CENPC: variants seen among roughly 807,000 people sequenced by gnomAD.
CENPC encodes the protein CENP-C 1.
Under a neutral mutation model 112.1 loss-of-function variants are expected in CENPC, and 63 were observed. That is an observed-to-expected ratio of 0.56 (90% confidence interval 0.46 to 0.69). The LOEUF (loss-of-function observed/expected upper bound fraction) is 0.69. CENPC is among the 30% of genes least tolerant of loss of function. CENPC has a pLI of 0.00. For missense variants in CENPC, 1,000 were observed against 1,103.8 expected (o/e 0.91, Z 1.33); for synonymous variants, 333 against 367.6 (o/e 0.91, Z 1.08).
At chr4:67,473,682 G>A (rs1214483394) in intron 18 of CENPC, among the ~76,000 whole-genome samples, 4 of 152,000 alleles carry the variant, frequency 2.6e-5, no homozygotes, top group African/African-American at 7.2e-5. Context: ...CCTCCCGAGA[G>A]CTAGGACTAT....
intron 17 of CENPC, among the ~76,000 whole-genome samples, chr4:67,482,166 A>T (rs944339663): frequency 2.6e-5 from 4 of 152,308 alleles, no homozygotes; most frequent in African/African-American, 9.6e-5. Flanking sequence ...CACAAAAAAA[A>T]TGCTCAACAA....
At position 67,539,888 on chromosome 4, in the gene CENPC, A is replaced by G. The variant is rs1465255688; in HGVS notation, c.183T>C (p.Asn61=). The G allele has an allele frequency of 1.3e-6, 2 of 1,533,778 alleles. No individual in the cohort carries two copies. Among genetic ancestry groups the G allele is most frequent in the Admixed American group, 4.5e-5 (2 of 44,182 alleles). ...FSTNSTKSVP[N]STRKIKDTCI... is the part of the protein sequence containing the mutation. The stretch of plus-strand genomic sequence containing the variant: ...AAGTGTCTTTTATTTTGCGTGTTGA[A>G]TTAGGCACTGATTTTGTAGAATTTG... The change falls in exon 4 of 19, where the codon AAT becomes AAC. Residue 61 remains asparagine, a synonymous_variant. Transcript: ENST00000273853.
rs1388189490 is a variant in CENPC at position 67,495,157 on chromosome 4, A to C, written c.2185+2T>G. 1 of 1,518,660 alleles carries C rather than the reference A, an allele frequency of 6.6e-7. No homozygotes were observed. The highest frequency in any genetic ancestry group is 8.8e-7 in the Non-Finnish European group (1 of 1,136,220). 94.1% of individuals were successfully genotyped at this position (1,518,660 alleles called of 1,614,324 possible). On this transcript the variant is annotated splice_donor_variant, in intron 13 of 18. Transcript: ENST00000273853. LOFTEE classifies it high-confidence loss of function. ...AATATTAAAAAAGAAAAATATTCTTACCTAGTTTGTGATGGATTCTGTTCT... is the reference window on the plus strand; with the variant it reads ...AATATTAAAAAAGAAAAATATTCTTCCCTAGTTTGTGATGGATTCTGTTCT...
chr4:67,517,334 G>A (rs1429368362), intron 7 of CENPC, among the ~76,000 whole-genome samples: 1 of 151,362 alleles, frequency 6.6e-6, no homozygotes, highest in Non-Finnish European at 1.5e-5. Context: ...ACTAATTTTT[G>A]TATTTTTAGT....
At chr4:67,475,281 G>T (rs1460937062) in intron 17 of CENPC, among the ~76,000 whole-genome samples, 1 of 152,222 alleles carries the variant, frequency 6.6e-6, no homozygotes, top group Non-Finnish European at 1.5e-5. Context: ...GCATGAAAGG[G>T]ACTTGCACCG....
chr4:67,521,204 C>CAAAAAAAAAAAAAAAAAAAAAAAA (rs71219050), intron 5 of CENPC, among the ~76,000 whole-genome samples: 1 of 131,454 alleles, frequency 7.6e-6, no homozygotes, highest in Non-Finnish European at 1.6e-5. Flanking sequence ...CAAAACAAAC[C>CAAAAAAAAAAAAAAAAAAAAAAAA]AAAAAAAAAA....
intron 17 of CENPC, among the ~76,000 whole-genome samples, chr4:67,476,831 G>T (rs1220697230): frequency 6.6e-6 from 1 of 152,168 alleles, no homozygotes; most frequent in East Asian, 1.9e-4. Context: ...GTTTGGTGGG[G>T]CACAGTAGGA....
chr4:67,510,997 G>A (rs1030508352), intron 9 of CENPC: 28 of 456,042 alleles, frequency 6.1e-5, no homozygotes, highest in Middle Eastern at 3.3e-4. Flanking sequence ...GTATTCATCT[G>A]CCACATAGTA....
intron 17 of CENPC, among the ~76,000 whole-genome samples, chr4:67,488,812 T>C (rs1725159427): frequency 6.6e-6 from 1 of 152,018 alleles, no homozygotes; most frequent in African/African-American, 2.4e-5. Context: ...AATTAATGAA[T>C]ATTGTTAAAT....
intron 13 of CENPC, 82 bp downstream of exon 13, chr4:67,495,077 A>T: frequency 8.1e-7 from 1 of 1,239,556 alleles, no homozygotes; most frequent in Non-Finnish European, 1.1e-6. Context: ...TCTCCTGCTT[A>T]AGAAGAAATA....
In CENPC at chr4:67,545,473, C is replaced by T; in HGVS notation, c.-118G>A. Reference sequence around the variant, plus strand: ...ATACCAGGCCGCGGCCAAGCAATAACCTTAAGTCTCAGGCGACTGCCGCGA... The same window carrying T: ...ATACCAGGCCGCGGCCAAGCAATAATCTTAAGTCTCAGGCGACTGCCGCGA... On this transcript the variant is annotated 5_prime_UTR_variant, in exon 1 of 19. Coordinates refer to ENST00000273853, the MANE Select transcript of CENPC (RefSeq NM_001812.4). The T allele has an allele frequency of 1.9e-6, 2 of 1,074,624 alleles. No individual in the cohort carries two copies. Among genetic ancestry groups the T allele is most frequent in the Admixed American group, 3.5e-5 (1 of 28,454 alleles). 66.6% of individuals were successfully genotyped at this position (1,074,624 alleles called of 1,614,324 possible).
chr4:67,537,212 T>G (rs368990172), intron 4 of CENPC, among the ~76,000 whole-genome samples: 4 of 151,740 alleles, frequency 2.6e-5, no homozygotes, highest in Non-Finnish European at 4.4e-5. Context: ...GTAGAACATT[T>G]AAAAAAAATA....
chr4:67,533,735 C>T (rs371501356), intron 4 of CENPC, among the ~76,000 whole-genome samples: 5 of 152,078 alleles, frequency 3.3e-5, no homozygotes, highest in African/African-American at 9.7e-5. Flanking sequence ...AATTGCAAGA[C>T]ACCACTAAAA....
Position 67,514,252 on chromosome 4 carries a change from T to G in CENPC, c.1266A>C (p.Arg422Ser). 1 of 1,612,496 alleles carries G rather than the reference T, an allele frequency of 6.2e-7. No individual in the cohort carries two copies. The highest frequency in any genetic ancestry group is 1.3e-5 in the African/African-American group (1 of 75,042). ...RSKRTIKQKQ[R>S]RKFMAKPAEE... Reference sequence around the variant, plus strand: ...CAGCTGGTTTAGCCATGAATTTTCTTCTCTGTTTTTGTTTTATAGTCCTTT... The same window carrying G: ...CAGCTGGTTTAGCCATGAATTTTCTGCTCTGTTTTTGTTTTATAGTCCTTT... Residue 422 changes from arginine to serine, a missense_variant, in exon 8 of 19, where the codon AGA (arginine) becomes AGC (serine). Coordinates refer to ENST00000273853, the MANE Select transcript of CENPC (RefSeq NM_001812.4).
intron 17 of CENPC, among the ~76,000 whole-genome samples, chr4:67,477,488 T>A (rs1021790714): frequency 1.3e-5 from 2 of 152,042 alleles, no homozygotes; most frequent in African/African-American, 4.8e-5. Flanking sequence ...GGAAGCATAA[T>A]CCCTAGGGGA....
intron 16 of CENPC, among the ~76,000 whole-genome samples, chr4:67,491,474 TATATATAGAGAG>T (rs1171772255): frequency 7.7e-3 from 252 of 32,634 alleles, no homozygotes; most frequent in Middle Eastern, 0.015. Flanking sequence ...TATATATATA[TATATATAGAGAG>T]AGAGAGAGAG....
At chr4:67,523,953 T>G (rs1726301393) in intron 5 of CENPC, among the ~76,000 whole-genome samples, 1 of 151,798 alleles carries the variant, frequency 6.6e-6, no homozygotes, top group Non-Finnish European at 1.5e-5. Flanking sequence ...TGCAACAATC[T>G]GAATAACAAA....
At chr4:67,535,784 T>G (rs1004845920) in intron 4 of CENPC, among the ~76,000 whole-genome samples, 4 of 152,078 alleles carry the variant, frequency 2.6e-5, no homozygotes, top group African/African-American at 7.2e-5. Flanking sequence ...AAATAAAGTC[T>G]AAACTTCCAT....
chr4:67,536,355 A>C (rs1435453771), intron 4 of CENPC, among the ~76,000 whole-genome samples: 3 of 152,220 alleles, frequency 2.0e-5, no homozygotes, highest in African/African-American at 7.2e-5. Flanking sequence ...ATGTTTTACA[A>C]ATGATCCAAA....
Sources: gnomAD v4.1 joint callset for allele counts (sites outside exome capture counted in the v4.1 genomes callset) on GRCh38, gnomAD v4.1.1 for gene constraint, MANE v1.5 for transcripts, NCBI Gene and HGNC (gene_info 2026-07-23, HGNC 2026-07-21) for gene names.